The following GCNT1 variants were observed in gnomAD, a reference collection of about 807,000 sequenced individuals.
GCNT1 encodes the protein beta-1,3-galactosyl-O-glycosyl-glycoprotein beta-1,6-N-acetylglucosaminyltransferase.
GCNT1 carries 16 observed loss-of-function variants against 26.2 expected under a neutral mutation model. The ratio of observed to expected loss-of-function variants is 0.61; its 90% CI spans 0.41 to 0.93. The LOEUF (loss-of-function observed/expected upper bound fraction) is 0.93, where lower values mean the gene tolerates loss of function less well. Among genes scored for constraint, GCNT1 ranks in the 40% least tolerant of loss-of-function variants. The pLI is 0.00. For synonymous variants in GCNT1, 183 were observed against 190.8 expected (o/e 0.96, Z 0.34); for missense variants, 477 against 526.7 (o/e 0.91, Z 0.92).
intron 1 of GCNT1, among the ~76,000 whole-genome samples, chr9:76,427,812 C>A (rs1255004727): frequency 6.6e-6 from 1 of 152,088 alleles, no homozygotes; most frequent in East Asian, 1.9e-4. Flanking sequence ...CATGGTGAAA[C>A]CGCATCTCTA....
the GCNT1 span, among the ~76,000 whole-genome samples, chr9:76,402,767 C>T: frequency 2.0e-5 from 3 of 151,914 alleles, no homozygotes; most frequent in African/African-American, 7.3e-5. Flanking sequence ...ACAACCTCCA[C>T]CTCCTGGGTT....
At chr9:76,483,013 C>T (rs1015451122) in intron 2 of GCNT1, among the ~76,000 whole-genome samples, 5 of 151,600 alleles carry the variant, frequency 3.3e-5, no homozygotes, top group Non-Finnish European at 5.9e-5. Context: ...AATATGTAAA[C>T]AGTATAAAAA....
At chr9:76,481,396 G>A (rs1389589050) in intron 2 of GCNT1, among the ~76,000 whole-genome samples, 3 of 146,552 alleles carry the variant, frequency 2.0e-5, no homozygotes, top group African/African-American at 8.0e-5. Context: ...TTTAATACAT[G>A]AGATTTTTTT....
At chr9:76,414,732 A>G in the GCNT1 span, among the ~76,000 whole-genome samples, 7 of 152,228 alleles carry the variant, frequency 4.6e-5, no homozygotes, top group Non-Finnish European at 7.3e-5. Flanking sequence ...ATGCTAATGC[A>G]TTATAACGAA....
chr9:76,472,460 T>G (rs1286153502), intron 2 of GCNT1, among the ~76,000 whole-genome samples: 1 of 152,198 alleles, frequency 6.6e-6, no homozygotes, highest in Non-Finnish European at 1.5e-5. Context: ...CAGGCTCTGG[T>G]TAAAGGCAGC....
At position 76,430,139 on chromosome 9, in the gene GCNT1, A is replaced by G. The variant is rs185862620; in HGVS notation, n.38+10252A>G. Among the ~76,000 whole-genome samples the G allele has an allele frequency of 2.0e-4, 30 of 152,336 alleles. 1 individual carries two copies. The highest frequency in any genetic ancestry group is 1.9e-3 in the Admixed American group (29 of 15,300). Reference sequence around the variant, plus strand: ...TTGGTGGCAAAAGAGACAAAATTATATAGTAAAGCGTTATGTATACAGGAA... The same window carrying G: ...TTGGTGGCAAAAGAGACAAAATTATGTAGTAAAGCGTTATGTATACAGGAA... On this transcript the variant is annotated intron_variant and non_coding_transcript_variant, in intron 1 of 3. Transcript: ENST00000488136.
upstream of GCNT1, among the ~76,000 whole-genome samples, chr9:76,415,365 G>T (rs1306850766): frequency 6.6e-6 from 1 of 152,140 alleles, no homozygotes; most frequent in Non-Finnish European, 1.5e-5. Flanking sequence ...CCTTGACGGT[G>T]AACTTCACAT....
chr9:76,500,403 T>A lies in GCNT1; in HGVS notation c.-289-513T>A, dbSNP rs556143537. On this transcript the variant is annotated intron_variant, in intron 2 of 3. Transcript: ENST00000376730. ...AGGAATTACTTAAAGGCATACTTTT[T>A]GTAGTGTTTTGATATTTTAGTGGTT... Among the ~76,000 whole-genome samples, 4 of 152,328 alleles carry A rather than the reference T, an allele frequency of 2.6e-5. No individual in the cohort carries two copies. The East Asian group carries it at 7.7e-4, about 29-fold the overall frequency.
At chr9:76,472,104 C>T (rs953275491) in intron 2 of GCNT1, among the ~76,000 whole-genome samples, 2 of 152,072 alleles carry the variant, frequency 1.3e-5, no homozygotes, top group Non-Finnish European at 2.9e-5. Flanking sequence ...GATGAAACCT[C>T]GTCCCTGCTA....
chr9:76,397,455 T>G, the GCNT1 span, among the ~76,000 whole-genome samples: 2 of 151,796 alleles, frequency 1.3e-5, no homozygotes, highest in African/African-American at 4.8e-5. Context: ...TTTTTTTTTT[T>G]TTTTTTGAAC....
chr9:76,469,571 G>A (rs915638461), intron 2 of GCNT1, among the ~76,000 whole-genome samples: 1 of 152,118 alleles, frequency 6.6e-6, no homozygotes, highest in Non-Finnish European at 1.5e-5. Flanking sequence ...CTTCTGGTCC[G>A]TGTTTGTTAC....
chr9:76,473,358 T>C (rs1033428663), intron 2 of GCNT1, among the ~76,000 whole-genome samples: 1 of 152,194 alleles, frequency 6.6e-6, no homozygotes, highest in African/African-American at 2.4e-5. Flanking sequence ...TTTTGTATAA[T>C]AGATTCTCAG....
chr9:76,479,951 T>C (rs1824375069), intron 2 of GCNT1, among the ~76,000 whole-genome samples: 1 of 152,182 alleles, frequency 6.6e-6, no homozygotes, highest in African/African-American at 2.4e-5. Flanking sequence ...CTGAATGGTA[T>C]TGCCTAGGTT....
chr9:76,402,984 G>C, the GCNT1 span, among the ~76,000 whole-genome samples: 1 of 152,042 alleles, frequency 6.6e-6, no homozygotes, highest in African/African-American at 2.4e-5. Context: ...AGCCCTGATT[G>C]TTTAATAAAT....
At chr9:76,467,673 C>T (rs1468343389) in intron 2 of GCNT1, among the ~76,000 whole-genome samples, 1 of 152,046 alleles carries the variant, frequency 6.6e-6, no homozygotes, top group Non-Finnish European at 1.5e-5. Flanking sequence ...GTGTTGAGCT[C>T]CAGCCCCTGC....
chr9:76,477,265 C>G (rs919796815), intron 2 of GCNT1, among the ~76,000 whole-genome samples: 1 of 151,544 alleles, frequency 6.6e-6, no homozygotes, highest in Non-Finnish European at 1.5e-5. Flanking sequence ...TGGTGGCTCA[C>G]GCCTGTAATC....
chr9:76,430,298 A>T (rs1587406976), intron 1 of GCNT1, among the ~76,000 whole-genome samples: 3 of 152,318 alleles, frequency 2.0e-5, no homozygotes, highest in Admixed American at 6.5e-5. Flanking sequence ...AGAAGGATTT[A>T]AAAAATCTCA....
In GCNT1 at chr9:76,468,172, C is replaced by T. The variant is rs35781725; in HGVS notation, c.-290+7995C>T. On this transcript the variant is annotated intron_variant, in intron 2 of 3. Transcript: ENST00000376730. ...TGGGCCTCCCGAAGTGCTGGGATTA[C>T]GGGCGTGAGTCACCGCGCGCCGACC... is the stretch of plus-strand genomic sequence containing the variant. 3.9e-3 allele frequency among the ~76,000 whole-genome samples: 596 copies of T among 152,170 alleles called. 2 individuals are homozygous for T. The highest frequency in any genetic ancestry group is 6.5e-3 in the Non-Finnish European group (445 of 68,008).
At chr9:76,442,450 G>A (rs1443084001) in intron 1 of GCNT1, 1 of 152,250 alleles carries the variant, frequency 6.6e-6, no homozygotes, top group East Asian at 1.9e-4. Context: ...GGAGGCTGAG[G>A]TGGGCGGATC....
Sources: gnomAD v4.1 joint callset for allele counts (sites outside exome capture counted in the v4.1 genomes callset) on GRCh38, gnomAD v4.1.1 for gene constraint, MANE v1.5 for transcripts, NCBI Gene and HGNC (gene_info 2026-07-23, HGNC 2026-07-21) for gene names.